Variants in ANO4 observed in about 807,000 individuals in gnomAD.
ANO4 encodes the protein anoctamin-4.
ANO4 carries 69 observed loss-of-function variants against 141.9 expected under a neutral mutation model. The ratio of observed to expected loss-of-function variants is 0.49; its 90% confidence interval spans 0.40 to 0.59. The LOEUF is 0.59. Ranked by LOEUF, ANO4 falls within the 20% of genes least tolerant of loss-of-function variation. The probability of loss-of-function intolerance (pLI) is 0.00; values close to 1 mark genes in which losing one functional copy is unlikely to be tolerated. For missense variants in ANO4, 894 were observed against 1,162.2 expected (o/e 0.77, Z 3.36); for synonymous variants, 350 against 394.3 (o/e 0.89, Z 1.33).
At chr12:101,066,627 C>G in intron 14 of ANO4, 2 of 539,988 alleles carry the variant, frequency 3.7e-6, no homozygotes, top group South Asian at 2.5e-5. Flanking sequence ...AGATGCCCTG[C>G]TGGGAGAGTA....
chr12:101,112,740 C>G (rs111760161), intron 24 of ANO4, among the ~76,000 whole-genome samples: 186 of 152,260 alleles, frequency 1.2e-3, no homozygotes, highest in Non-Finnish European at 2.0e-3. Flanking sequence ...ATTATGAATC[C>G]TACATAAATG....
At chr12:101,007,712 T>C (rs1015766930) in intron 8 of ANO4, among the ~76,000 whole-genome samples, 1 of 152,106 alleles carries the variant, frequency 6.6e-6, no homozygotes, top group Non-Finnish European at 1.5e-5. Context: ...GACCCAGAAC[T>C]CAGAGTTTTG....
At chr12:100,887,013 A>T (rs2039866914) in intron 1 of ANO4, among the ~76,000 whole-genome samples, 1 of 152,156 alleles carries the variant, frequency 6.6e-6, no homozygotes. Context: ...AGGGCTCAGT[A>T]GTTGTTGGGG....
chr12:100,724,430 T>G (rs1042395061), intron 1 of ANO4, among the ~76,000 whole-genome samples: 8 of 152,214 alleles, frequency 5.3e-5, no homozygotes, highest in Non-Finnish European at 1.2e-4. Flanking sequence ...CACTCAGGTC[T>G]GATGCAGGTT....
intron 3 of ANO4, among the ~76,000 whole-genome samples, chr12:100,782,191 A>G (rs2033730836): frequency 6.6e-6 from 1 of 152,112 alleles, no homozygotes; most frequent in Non-Finnish European, 1.5e-5. Flanking sequence ...TCTGTGACCC[A>G]TATGCATCTC....
At chr12:100,738,694 G>A (rs1047608150) in intron 2 of ANO4, among the ~76,000 whole-genome samples, 13 of 151,618 alleles carry the variant, frequency 8.6e-5, no homozygotes, top group East Asian at 3.9e-4. Flanking sequence ...ATATTTAACC[G>A]CATATATTTA....
intron 14 of ANO4, among the ~76,000 whole-genome samples, chr12:101,075,636 A>AATAT (rs140118773): frequency 0.24 from 35,910 of 148,894 alleles, 4,631 homozygotes; most frequent in East Asian, 0.52. Flanking sequence ...GTATAAGAGA[A>AATAT]ATATATATAT....
intron 17 of ANO4, among the ~76,000 whole-genome samples, chr12:101,092,613 A>G (rs974684702): frequency 6.6e-6 from 1 of 152,152 alleles, no homozygotes; most frequent in African/African-American, 2.4e-5. Flanking sequence ...ATCCTTCAGC[A>G]TATATATGAA....
intron 1 of ANO4, among the ~76,000 whole-genome samples, chr12:100,729,000 A>G (rs1244658677): frequency 6.6e-6 from 1 of 151,834 alleles, no homozygotes; most frequent in Non-Finnish European, 1.5e-5. Context: ...CTTCCCCGTC[A>G]GTGGAACCAC....
rs754280425 is a variant in ANO4 at position 100,971,290 on chromosome 12, CT to C, written c.457-10del. On this transcript the variant is annotated splice_polypyrimidine_tract_variant and intron_variant, in intron 5 of 27. Transcript: ENST00000392977. ...TTGAATATACTTTTCAATTTAGTTT[CT>C]TTTTTCTGTTTCAGTCCTCTCTAAT... is the stretch of plus-strand genomic sequence containing the variant. 9.6e-6 allele frequency: 15 copies of C among 1,569,006 alleles called. No homozygotes were observed. In the Admixed American group the frequency reaches 2.0e-4, roughly 21 times the overall value.
chr12:101,099,298 T>G (rs987949971), intron 21 of ANO4, among the ~76,000 whole-genome samples: 21 of 152,182 alleles, frequency 1.4e-4, no homozygotes, highest in Admixed American at 6.5e-5. Flanking sequence ...TTTATAGATA[T>G]TCTCAGTCCT....
chr12:100,775,467 TG>T (rs1294197137), intron 3 of ANO4, among the ~76,000 whole-genome samples: 1 of 152,182 alleles, frequency 6.6e-6, no homozygotes, highest in African/African-American at 2.4e-5. Flanking sequence ...TACCTGATAG[TG>T]GGACAAGTGG....
At chr12:100,796,010 C>T (rs78401387) in intron 1 of ANO4, among the ~76,000 whole-genome samples, 3,084 of 149,210 alleles carry the variant, frequency 0.021, 106 homozygotes, top group African/African-American at 0.071. Context: ...CACTCCTGTG[C>T]GTTGCAGGAG....
chr12:101,030,491 A>C (rs558719187), intron 9 of ANO4, among the ~76,000 whole-genome samples: 2 of 152,328 alleles, frequency 1.3e-5, no homozygotes. Flanking sequence ...TTAAGAGGGA[A>C]ATGTATAGCA....
At chr12:101,047,474 C>T (rs2136654176) in intron 13 of ANO4, among the ~76,000 whole-genome samples, 1 of 152,236 alleles carries the variant, frequency 6.6e-6, no homozygotes, top group South Asian at 2.1e-4. Context: ...CTGGAATAAT[C>T]TGAAATACTT....
At chr12:100,740,999 C>T (rs1157468532) in intron 3 of ANO4, among the ~76,000 whole-genome samples, 1 of 152,196 alleles carries the variant, frequency 6.6e-6, no homozygotes, top group Non-Finnish European at 1.5e-5. Flanking sequence ...CCTTGGAAGT[C>T]ATGAGTTAAA....
At chr12:100,905,343 A>G (rs540350754) in intron 2 of ANO4, among the ~76,000 whole-genome samples, 3 of 152,336 alleles carry the variant, frequency 2.0e-5, no homozygotes, top group Non-Finnish European at 4.4e-5. Flanking sequence ...CTCCAATAAT[A>G]AAGGGTCAAA....
chr12:100,769,943 T>C (rs1422466742), intron 3 of ANO4, among the ~76,000 whole-genome samples: 1 of 152,252 alleles, frequency 6.6e-6, no homozygotes, highest in Admixed American at 6.5e-5. Context: ...ATTTTTTTCT[T>C]AGCCAAATTT....
chr12:100,723,115 G>A (rs904163927), intron 1 of ANO4, among the ~76,000 whole-genome samples: 13 of 152,110 alleles, frequency 8.5e-5, no homozygotes, highest in African/African-American at 3.1e-4. Flanking sequence ...TTGACCTTCA[G>A]CCCTTCATAT....
Sources: gnomAD v4.1 joint callset for allele counts (sites outside exome capture counted in the v4.1 genomes callset) on GRCh38, gnomAD v4.1.1 for gene constraint, MANE v1.5 for transcripts, NCBI Gene and HGNC (gene_info 2026-07-23, HGNC 2026-07-21) for gene names.